TSPAN33: variants seen among roughly 807,000 people sequenced by gnomAD.
TSPAN33 encodes the protein tetraspanin 33, also known as tetraspanin-33.
In TSPAN33, 27 loss-of-function variants were observed where a neutral mutation model predicts 34.8. The observed-to-expected ratio is 0.78, with a 90% CI of 0.57 to 1.07. The LOEUF is 1.07. TSPAN33 is among the 50% of genes least tolerant of loss of function. TSPAN33 has a pLI of 0.00. For synonymous variants in TSPAN33, 119 were observed against 124.2 expected, an observed-to-expected ratio of 0.96 and a Z score of 0.28; for missense variants, 272 against 324.9, an observed-to-expected ratio of 0.84 and a Z score of 1.25.
chr7:129,162,338 T>G, intron 2 of TSPAN33, 56 bp from the exon 3 acceptor site: 2 of 1,601,066 alleles, frequency 1.2e-6, no homozygotes, highest in Non-Finnish European at 1.7e-6. Context: ...TCCCACCCCA[T>G]CCAGGGGTTC....
Position 129,168,074 on chromosome 7 carries a change from C to T in TSPAN33, c.*200C>T, listed in dbSNP as rs750435409. ...TCAGGAGGATGCGCCTCCTCTCCCCCATCCCAGCCCTCAGCATTGTGCCAG... is the reference window on the plus strand; with the variant it reads ...TCAGGAGGATGCGCCTCCTCTCCCCTATCCCAGCCCTCAGCATTGTGCCAG... On this transcript the variant is annotated 3_prime_UTR_variant, in exon 8 of 8. Transcript: ENST00000486685. 5.9e-5 allele frequency: 62 copies of T among 1,050,566 alleles called. No individual in the cohort carries two copies. Among genetic ancestry groups the T allele is most frequent in the Non-Finnish European group, 7.6e-5 (57 of 752,198 alleles). The allele number at this position is 1,050,566 out of a possible 1,614,324, so 65.1% of individuals were successfully genotyped here.
At chr7:129,163,451 G>A (rs749633368) in intron 4 of TSPAN33, among the ~76,000 whole-genome samples, 24 of 150,138 alleles carry the variant, frequency 1.6e-4, no homozygotes, top group African/African-American at 4.4e-4. Flanking sequence ...CATCTCCTAA[G>A]TCTCTGGGAT....
Position 129,145,158 on chromosome 7 carries a change from G to C in TSPAN33, c.102+76G>C, listed in dbSNP as rs946933404. ...GGAAGGGTGGCCCGGGGTGCCCCAC[G>C]CGCGGGAGCCGCACTGCCGAGTTTT... On this transcript the variant is annotated intron_variant, in intron 1 of 7. Transcript: ENST00000486685. 3.2e-5 allele frequency: 18 copies of C among 570,096 alleles called. 1 individual carries two copies. In the South Asian group the frequency reaches 3.5e-4, roughly 11 times the overall value. The allele number at this position is 570,096 out of a possible 1,614,324, so 35.3% of individuals were successfully genotyped here. A position where few individuals can be genotyped will look rare whatever the true frequency, so the allele number is the denominator to read the frequency against.
chr7:129,164,707 A>G (rs527647089), intron 5 of TSPAN33, 138 bp downstream of exon 5: 260 of 741,512 alleles, frequency 3.5e-4, no homozygotes, highest in Non-Finnish European at 5.2e-4. Flanking sequence ...GCAAAAAAGC[A>G]CACGTAGCAG....
chr7:129,164,770 T>A (rs1037792574), intron 5 of TSPAN33: 1 of 519,892 alleles, frequency 1.9e-6, no homozygotes, highest in Admixed American at 3.2e-5. Context: ...AGTAATCTAC[T>A]GTGTTATAAA....
chr7:129,162,700 C>A, intron 3 of TSPAN33, 133 bp from the exon 4 acceptor site: 1 of 1,395,262 alleles, frequency 7.2e-7, no homozygotes, highest in Non-Finnish European at 9.9e-7. Flanking sequence ...AGACAGTGTC[C>A]CAGAGGCAGC....
intron 1 of TSPAN33, among the ~76,000 whole-genome samples, chr7:129,154,157 T>C (rs964880709): frequency 1.3e-5 from 2 of 149,378 alleles, no homozygotes; most frequent in African/African-American, 4.9e-5. Flanking sequence ...CCTAGCAAGA[T>C]CACATCTATA....
At position 129,165,940 on chromosome 7, in the gene TSPAN33, CT is replaced by C. The variant is rs74993349; in HGVS notation, c.460-828del. Reference sequence around the variant, plus strand: ...TAAATAAGTGAAAAATAAAAGTTAACTTTTTTTTTTCCCTGAGACGGAGTCT... The same window carrying C: ...TAAATAAGTGAAAAATAAAAGTTAACTTTTTTTTTCCCTGAGACGGAGTCT... On this transcript the variant is annotated intron_variant, in intron 5 of 7. Coordinates refer to ENST00000486685, the MANE Select transcript of TSPAN33 (RefSeq NM_178562.5). This position sits in a 1 kb window ranked among gnomAD's most constrained non-coding sequence, Gnocchi z 4.5. Among the ~76,000 whole-genome samples the C allele has an allele frequency of 0.78, 117,356 of 149,868 alleles. 46,122 individuals carry two copies. The highest frequency in any genetic ancestry group is 0.8 in the Non-Finnish European group (54,102 of 67,496).
At position 129,162,504 on chromosome 7, in the gene TSPAN33, A is replaced by G. The variant is rs1011195100; in HGVS notation, c.271A>G (p.Ile91Val). 31 of 1,613,262 alleles carry G rather than the reference A, an allele frequency of 1.9e-5. No homozygotes were observed. The highest frequency in any genetic ancestry group is 2.6e-5 in the Non-Finnish European group (31 of 1,180,018). Reference protein sequence around the residue: ...CGCIGSLRENICLLQTFSLCL... With the variant: ...CGCIGSLRENVCLLQTFSLCL... ...CTGCATTGGGTCCCTCCGCGAGAAC[A>G]TCTGCCTCCTGCAGACGGTGAGTGG... is the stretch of plus-strand genomic sequence containing the variant. Residue 91 changes from isoleucine (I) to valine (V), a missense_variant, in exon 3 of 8, where the codon ATC becomes GTC. Transcript: ENST00000486685.
At chr7:129,153,530 A>G (rs1810628750) in intron 1 of TSPAN33, among the ~76,000 whole-genome samples, 2 of 152,244 alleles carry the variant, frequency 1.3e-5, no homozygotes, top group Non-Finnish European at 2.9e-5. Context: ...CTCTAAATGC[A>G]TGATCCTTGA....
chr7:129,155,015 C>T (rs1404980599), intron 1 of TSPAN33, among the ~76,000 whole-genome samples: 1 of 152,134 alleles, frequency 6.6e-6, no homozygotes, highest in African/African-American at 2.4e-5. Context: ...CTTAAGTGTC[C>T]ATCTACAAAT....
chr7:129,169,360 C>T lies in TSPAN33; in HGVS notation c.*1486C>T, dbSNP rs1379096120. On this transcript the variant is annotated 3_prime_UTR_variant, in exon 8 of 8. Coordinates refer to ENST00000486685, the MANE Select transcript of TSPAN33 (RefSeq NM_178562.5). ...GCTGGACTTCGTGGGTGGTCCCCGC[C>T]CCCGCGGCGGCCTAGGCCCGCGCCT... is the stretch of plus-strand genomic sequence containing the variant. 2 of 152,182 alleles carry T rather than the reference C, an allele frequency of 1.3e-5. No individual in the cohort carries two copies. Among genetic ancestry groups the T allele is most frequent in the African/African-American group, 2.4e-5 (1 of 41,434 alleles). The allele number at this position is 152,182 out of a possible 1,614,324, so 9.4% of individuals were successfully genotyped here.
Position 129,169,263 on chromosome 7 carries a change from G to A in TSPAN33, c.*1389G>A, listed in dbSNP as rs1793193830. ...AGGGAGGACTCCGAGGAAGCTCGGCGCGGTGCGCTGGGCCTCCTGGCGCCG... is the reference window on the plus strand; with the variant it reads ...AGGGAGGACTCCGAGGAAGCTCGGCACGGTGCGCTGGGCCTCCTGGCGCCG... On this transcript the variant is annotated 3_prime_UTR_variant, in exon 8 of 8. Transcript: ENST00000486685. Among the ~76,000 whole-genome samples, 2 of 152,132 alleles carry A rather than the reference G, an allele frequency of 1.3e-5. No homozygotes were observed. Among genetic ancestry groups the A allele is most frequent in the Non-Finnish European group, 2.9e-5 (2 of 68,012 alleles).
At chr7:129,145,500 C>A (rs1230225750) in intron 1 of TSPAN33, among the ~76,000 whole-genome samples, 1 of 152,030 alleles carries the variant, frequency 6.6e-6, no homozygotes, top group African/African-American at 2.4e-5. Context: ...TCTCCACCAC[C>A]TCAGAGAGGA....
At chr7:129,145,764 G>T (rs1810512220) in intron 1 of TSPAN33, among the ~76,000 whole-genome samples, 1 of 151,592 alleles carries the variant, frequency 6.6e-6, no homozygotes, top group African/African-American at 2.4e-5. Flanking sequence ...TCTGCTTGGG[G>T]TGGAAAAAGT....
At position 129,167,416 on chromosome 7, in the gene TSPAN33, G is replaced by C; in HGVS notation, c.606G>C (p.Met202Ile). Reference protein sequence around the residue: ...PTPDQAVINTMCGQGMQAFDY... With the variant: ...PTPDQAVINTICGQGMQAFDY... Reference sequence around the variant, plus strand: ...TTCCCCAGGCAGTGATCAACACTATGTGTGGCCAAGGTATGCAGGCCTTTG... The same window carrying C: ...TTCCCCAGGCAGTGATCAACACTATCTGTGGCCAAGGTATGCAGGCCTTTG... The change falls in exon 7 of 8, where the codon ATG (methionine) becomes ATC (isoleucine). Residue 202 changes from methionine to isoleucine, a missense_variant. Met to Ile is a conservative substitution (Grantham distance 10, BLOSUM62 1). Coordinates refer to ENST00000486685, the MANE Select transcript of TSPAN33 (RefSeq NM_178562.5). The surrounding 1 kb of genome is among the most constrained non-coding windows in gnomAD (Gnocchi z 4.6). 6.2e-7 allele frequency: 1 copy of C among 1,614,002 alleles called. No homozygotes were observed. The highest frequency in any genetic ancestry group is 1.7e-5 in the Admixed American group (1 of 60,012).
intron 5 of TSPAN33, 36 bp downstream of exon 5, chr7:129,164,605 A>G: frequency 3.8e-6 from 6 of 1,576,778 alleles, no homozygotes; most frequent in Non-Finnish European, 5.2e-6. Flanking sequence ...GACTGTGGGT[A>G]AAAGTGAATG....
At chr7:129,154,789 G>A (rs1199057254) in intron 1 of TSPAN33, among the ~76,000 whole-genome samples, 1 of 152,132 alleles carries the variant, frequency 6.6e-6, no homozygotes, top group East Asian at 1.9e-4. Context: ...GTGGGAGGAG[G>A]TAATAGACTA....
At chr7:129,163,291 A>G (rs1295444844) in intron 4 of TSPAN33, among the ~76,000 whole-genome samples, 1 of 151,842 alleles carries the variant, frequency 6.6e-6, no homozygotes, top group Non-Finnish European at 1.5e-5. Context: ...AGGAAGGGGG[A>G]AGAGAACAAG....
Sources: allele counts gnomAD v4.1 joint callset (sites outside exome capture counted in the v4.1 genomes callset), GRCh38; gene constraint gnomAD v4.1.1; non-coding constraint Gnocchi (gnomAD v3.1); transcripts MANE v1.5; gene names NCBI Gene and HGNC (gene_info 2026-07-23, HGNC 2026-07-21).